The following FMN2 variants were observed in gnomAD, a reference collection of about 807,000 sequenced individuals.
FMN2 encodes the protein formin-2.
In FMN2, 51 loss-of-function variants were observed where a neutral mutation model predicts 142.3. That is an observed-to-expected ratio of 0.36 (90% CI 0.29 to 0.45). The LOEUF is 0.45. Ranked by LOEUF, FMN2 falls within the 20% of genes least tolerant of loss-of-function variation. The pLI is 1.00. For missense variants in FMN2, 1,936 were observed against 2,122.8 expected (o/e 0.91, Z 1.73); for synonymous variants, 882 against 869.8 (o/e 1.01, Z -0.25).
intron 2 of FMN2, among the ~76,000 whole-genome samples, chr1:240,139,584 T>A (rs551268133): frequency 5.9e-5 from 9 of 152,294 alleles, no homozygotes; most frequent in African/African-American, 2.2e-4. Flanking sequence ...AACAAGATAT[T>A]TTTTAAAAAG....
At chr1:240,294,750 G>T in intron 7 of FMN2, 72 bp from the exon 8 acceptor site, 2 of 1,417,824 alleles carry the variant, frequency 1.4e-6, no homozygotes, top group South Asian at 2.3e-5. Context: ...CCGTGAGCCT[G>T]CTGCCTGAGA....
chr1:240,118,585 A>G (rs1305601105), intron 1 of FMN2, among the ~76,000 whole-genome samples: 3 of 152,144 alleles, frequency 2.0e-5, no homozygotes, highest in South Asian at 4.1e-4. Flanking sequence ...AACCCACTGG[A>G]GAGTTTGGAG....
chr1:240,147,860 A>G (rs1167380160), intron 2 of FMN2, among the ~76,000 whole-genome samples: 1 of 152,194 alleles, frequency 6.6e-6, no homozygotes, highest in African/African-American at 2.4e-5. Flanking sequence ...CTGCTTCTGG[A>G]AAGTCTGATT....
chr1:240,339,348 T>A (rs868864548), intron 13 of FMN2, among the ~76,000 whole-genome samples: 24 of 151,014 alleles, frequency 1.6e-4, no homozygotes, highest in Middle Eastern at 3.2e-3. Context: ...TATTTTTTTT[T>A]AATCTCTTAC....
intron 2 of FMN2, among the ~76,000 whole-genome samples, chr1:240,176,737 G>A (rs7519622): frequency 0.22 from 34,124 of 152,094 alleles, 4,076 homozygotes; most frequent in African/African-American, 0.29. Context: ...GGTGTTGGTC[G>A]AGATAGGATA....
At chr1:240,113,963 A>C (rs1661919532) in intron 1 of FMN2, among the ~76,000 whole-genome samples, 1 of 152,184 alleles carries the variant, frequency 6.6e-6, no homozygotes, top group Admixed American at 6.5e-5. Context: ...ATTTCTGTGT[A>C]AGTAAATGTT....
intron 14 of FMN2, among the ~76,000 whole-genome samples, chr1:240,376,866 G>T (rs1572246085): frequency 6.6e-6 from 1 of 151,988 alleles, no homozygotes; most frequent in Non-Finnish European, 1.5e-5. Context: ...CACTCTAGTG[G>T]TGTGCCCCTT....
intron 14 of FMN2, among the ~76,000 whole-genome samples, chr1:240,380,043 A>G (rs1387012348): frequency 6.6e-6 from 1 of 152,156 alleles, no homozygotes; most frequent in African/African-American, 2.4e-5. Context: ...ATTTGGGGAC[A>G]CTTCAATACA....
intron 7 of FMN2, among the ~76,000 whole-genome samples, chr1:240,291,131 G>A (rs369657963): frequency 1.3e-5 from 2 of 152,024 alleles, no homozygotes; most frequent in Non-Finnish European, 2.9e-5. Flanking sequence ...TTAGTAACAC[G>A]TGGTCATTTG....
At chr1:240,413,260 T>C (rs1674475275) in intron 15 of FMN2, among the ~76,000 whole-genome samples, 1 of 148,608 alleles carries the variant, frequency 6.7e-6, no homozygotes, top group Admixed American at 6.7e-5. Flanking sequence ...AGCTAGTCAG[T>C]GGGTGGTTTT....
At chr1:240,252,139 C>T (rs138900392) in intron 6 of FMN2, among the ~76,000 whole-genome samples, 37 of 152,258 alleles carry the variant, frequency 2.4e-4, no homozygotes, top group African/African-American at 8.4e-4. Context: ...AAACTCCTGA[C>T]CTCAGGTGAT....
chr1:240,116,856 G>T (rs1662044445), intron 1 of FMN2, among the ~76,000 whole-genome samples: 1 of 152,192 alleles, frequency 6.6e-6, no homozygotes, highest in Non-Finnish European at 1.5e-5. Flanking sequence ...GACTGAGCAA[G>T]GAGGGAGAGG....
chr1:240,177,555 G>C (rs1282385912), intron 2 of FMN2, among the ~76,000 whole-genome samples: 1 of 151,914 alleles, frequency 6.6e-6, no homozygotes, highest in Non-Finnish European at 1.5e-5. Context: ...ATTTTAAAAG[G>C]GATATCATAT....
At chr1:240,413,655 T>G (rs1434267713) in intron 15 of FMN2, among the ~76,000 whole-genome samples, 2 of 152,156 alleles carry the variant, frequency 1.3e-5, no homozygotes, top group Non-Finnish European at 2.9e-5. Flanking sequence ...ACATAGAAAC[T>G]CAGTCAAAGT....
intron 1 of FMN2, among the ~76,000 whole-genome samples, chr1:240,096,249 TA>T (rs1471002661): frequency 6.6e-6 from 1 of 152,196 alleles, no homozygotes; most frequent in Non-Finnish European, 1.5e-5. Context: ...AAACTGTTTA[TA>T]AAAAATGTGA....
In FMN2 at chr1:240,403,762, T is replaced by C. The variant is rs537260209; in HGVS notation, c.4910+11200T>C. Among the ~76,000 whole-genome samples, 9 of 152,352 alleles carry C rather than the reference T, an allele frequency of 5.9e-5. No individual in the cohort carries two copies. In the East Asian group the frequency reaches 1.7e-3, roughly 29 times the overall value. On this transcript the variant is annotated intron_variant, in intron 15 of 17. Transcript: ENST00000319653. The stretch of plus-strand genomic sequence containing the variant: ...AGAATTAATAAGTAATGTGCTTTAT[T>C]TGGACATTATTATGTGATAAAGATT...
intron 3 of FMN2, among the ~76,000 whole-genome samples, chr1:240,185,033 C>CCCCTTCTCTTTCTCCCTCCTATACCTT (rs1558345033): frequency 1.3e-4 from 2 of 15,074 alleles, no homozygotes; most frequent in Admixed American, 7.5e-4. Context: ...CCTATACCTT[C>CCCCTTCTCTTTCTCCCTCCTATACCTT]CCCCTTCTCT....
intron 15 of FMN2, among the ~76,000 whole-genome samples, chr1:240,431,870 T>C (rs1280726495): frequency 6.6e-6 from 1 of 151,286 alleles, no homozygotes; most frequent in Non-Finnish European, 1.5e-5. Flanking sequence ...GATGATGTTT[T>C]ATTAAGGTTT....
At chr1:240,192,949 T>C (rs1204566420) in intron 4 of FMN2, among the ~76,000 whole-genome samples, 2 of 152,126 alleles carry the variant, frequency 1.3e-5, no homozygotes, top group Non-Finnish European at 2.9e-5. Flanking sequence ...GAAACTCTTC[T>C]ATGAGTTTTA....
Sources: gnomAD v4.1 joint callset for allele counts (sites outside exome capture counted in the v4.1 genomes callset) on GRCh38, gnomAD v4.1.1 for gene constraint, MANE v1.5 for transcripts, NCBI Gene and HGNC (gene_info 2026-07-23, HGNC 2026-07-21) for gene names.